Variants in SH3BP4 observed in about 807,000 individuals in gnomAD.
The protein encoded by SH3BP4 is SH3 domain binding protein 4.
Under a neutral mutation model 65.5 loss-of-function variants are expected in SH3BP4, and 33 were observed. The ratio of observed to expected loss-of-function variants is 0.50; its 90% CI spans 0.38 to 0.67. The LOEUF is 0.67. Among genes scored for constraint, SH3BP4 ranks in the 30% least tolerant of loss-of-function variants. The probability of loss-of-function intolerance (pLI) is 0.00; values close to 1 mark genes in which losing one functional copy is unlikely to be tolerated. For missense variants in SH3BP4, 1,134 were observed against 1,261.4 expected (o/e 0.90, Z 1.53); for synonymous variants, 552 against 545.5 (o/e 1.01, Z -0.17).
chr2:234,995,149 C>T (rs932677328), intron 1 of SH3BP4, among the ~76,000 whole-genome samples, 154 bp from the exon 2 acceptor site: 3 of 152,220 alleles, frequency 2.0e-5, no homozygotes, highest in Admixed American at 6.5e-5. Flanking sequence ...CTGGGGGCCG[C>T]GTGGCAGCGT....
intron 2 of SH3BP4, among the ~76,000 whole-genome samples, chr2:234,999,375 G>T (rs558462957): frequency 5.6e-4 from 85 of 152,306 alleles, no homozygotes; most frequent in African/African-American, 1.9e-3. Context: ...TGAATCTCTT[G>T]CTGAAATCTG....
At chr2:235,012,752 T>C (rs1694554598) in intron 2 of SH3BP4, among the ~76,000 whole-genome samples, 1 of 152,230 alleles carries the variant, frequency 6.6e-6, no homozygotes. Context: ...ATTACGCACT[T>C]CTAACCCCAA....
Position 235,042,419 on chromosome 2 carries a change from C to T in SH3BP4, c.1650C>T (p.Val550=). 6.2e-7 allele frequency: 1 copy of T among 1,614,142 alleles called. No individual in the cohort carries two copies. Among genetic ancestry groups the T allele is most frequent in the Admixed American group, 1.7e-5 (1 of 60,022 alleles). Residue 550 remains valine, a synonymous_variant, in exon 4 of 6, where the codon GTC becomes GTT. Transcript: ENST00000392011. This position sits in a 1 kb window ranked among gnomAD's most constrained non-coding sequence, Gnocchi z 7.3. ...CMFSNMTNYE[V]KASEQAKVVR... is the part of the protein sequence containing the mutation. ...TTTCCAATATGACGAATTACGAGGT[C>T]AAAGCCAGCGAGCAGGCCAAAGTGG...
chr2:235,016,498 CTTTCT>C (rs577830552), intron 2 of SH3BP4, among the ~76,000 whole-genome samples: 2 of 151,998 alleles, frequency 1.3e-5, no homozygotes, highest in African/African-American at 4.8e-5. Context: ...TTCACTCGTC[CTTTCT>C]TTTCTTTTCT....
intron 2 of SH3BP4, among the ~76,000 whole-genome samples, chr2:235,027,804 T>C (rs577398620): frequency 2.6e-5 from 4 of 152,310 alleles, no homozygotes; most frequent in Admixed American, 6.5e-5. Flanking sequence ...GTCTGTGCGC[T>C]CAGCCTGAGG....
Position 235,034,439 on chromosome 2 carries a change from A to G in SH3BP4, c.-132-432A>G, listed in dbSNP as rs894166847. ...TTCCCGGGGCCGAGTCACCATGATG[A>G]CTGCCCCTGCGCTGGGATCAGCCAC... On this transcript the variant is annotated intron_variant, in intron 2 of 5. Coordinates refer to ENST00000392011, the MANE Select transcript of SH3BP4 (RefSeq NM_014521.3). This position sits in a 1 kb window ranked among gnomAD's most constrained non-coding sequence, Gnocchi z 6.2. Among the ~76,000 whole-genome samples, 2 of 152,068 alleles carry G rather than the reference A, an allele frequency of 1.3e-5. No homozygotes were observed. Among genetic ancestry groups the G allele is most frequent in the South Asian group, 4.2e-4 (2 of 4,808 alleles).
chr2:234,971,953 A>T (rs1047974709), intron 1 of SH3BP4, among the ~76,000 whole-genome samples: 5 of 151,458 alleles, frequency 3.3e-5, no homozygotes, highest in African/African-American at 1.2e-4. Flanking sequence ...AGTAGCTGAG[A>T]CTACAGGCGT....
chr2:235,038,825 C>T (rs1695543633), intron 3 of SH3BP4, among the ~76,000 whole-genome samples: 1 of 152,086 alleles, frequency 6.6e-6, no homozygotes, highest in Non-Finnish European at 1.5e-5. Context: ...ATTCCTCCAG[C>T]TTAAAATATG....
intron 2 of SH3BP4, among the ~76,000 whole-genome samples, chr2:235,017,045 C>CTTTTTTTTTTTTTTTTTT (rs995197698): frequency 1.1e-5 from 1 of 88,440 alleles, no homozygotes; most frequent in Non-Finnish European, 2.2e-5. Context: ...GTTTGCCTTT[C>CTTTTTTTTTTTTTTTTTT]TTTTTTTTTT....
In SH3BP4 at chr2:234,952,848, G is replaced by C. The variant is rs1263107583; in HGVS notation, c.-207+678G>C. 2.0e-5 allele frequency: 3 copies of C among 152,212 alleles called. No homozygotes were observed. The highest frequency in any genetic ancestry group is 4.4e-5 in the Non-Finnish European group (3 of 68,050). The allele number at this position is 152,212 out of a possible 1,614,324, so 9.4% of individuals were successfully genotyped here. On this transcript the variant is annotated intron_variant, in intron 1 of 5. Transcript: ENST00000392011. The surrounding 1 kb of genome is among the most constrained non-coding windows in gnomAD (Gnocchi z 6.5). ...GGGATAGAGGCGCGTTGTTCTCTGA[G>C]CGATGTTTACCGAGAAGCCCGCTCC...
At chr2:235,003,705 C>T (rs977213823) in intron 2 of SH3BP4, among the ~76,000 whole-genome samples, 1 of 152,154 alleles carries the variant, frequency 6.6e-6, no homozygotes, top group Non-Finnish European at 1.5e-5. Flanking sequence ...TTCCCAGTCA[C>T]GCTCCTATGC....
In SH3BP4 at chr2:235,042,554, C is replaced by T. The variant is rs547706377; in HGVS notation, c.1785C>T (p.Asp595=). Reference sequence around the variant, plus strand: ...TCACGCTGCGGGTTCAGGTGAAGGACGACCAGGAGGCCATCCTCACCCAGT... The same window carrying T: ...TCACGCTGCGGGTTCAGGTGAAGGATGACCAGGAGGCCATCCTCACCCAGT... The part of the protein sequence containing the change: ...SDFTLRVQVK[D]DQEAILTQFC... The change falls in exon 4 of 6, where the codon GAC becomes GAT. Residue 595 remains aspartate, a synonymous_variant. Coordinates refer to ENST00000392011, the MANE Select transcript of SH3BP4 (RefSeq NM_014521.3). This position sits in a 1 kb window ranked among gnomAD's most constrained non-coding sequence, Gnocchi z 7.3. The T allele has an allele frequency of 1.2e-5, 20 of 1,614,162 alleles. No homozygotes were observed. The highest frequency in any genetic ancestry group is 2.7e-5 in the African/African-American group (2 of 75,062).
intron 2 of SH3BP4, among the ~76,000 whole-genome samples, chr2:235,022,324 C>T (rs891102295): frequency 3.9e-5 from 6 of 152,042 alleles, no homozygotes; most frequent in Admixed American, 1.3e-4. Flanking sequence ...GAGGCCGAGG[C>T]GGGCAGATCA....
Position 234,967,700 on chromosome 2 carries a change from G to T in SH3BP4, c.-207+15530G>T, listed in dbSNP as rs982757405. ...TTGGTGCTCACCTCTGCACAGACAG[G>T]TGTCACTGAAGCCCCTCACCCAGTG... On this transcript the variant is annotated intron_variant, in intron 1 of 5. Transcript: ENST00000392011. The surrounding 1 kb of genome is among the most constrained non-coding windows in gnomAD (Gnocchi z 4.6). Among the ~76,000 whole-genome samples, 4 of 152,238 alleles carry T rather than the reference G, an allele frequency of 2.6e-5. No homozygotes were observed. Among genetic ancestry groups the T allele is most frequent in the South Asian group, 4.1e-4 (2 of 4,820 alleles).
intron 2 of SH3BP4, among the ~76,000 whole-genome samples, chr2:235,023,798 G>A (rs897828113): frequency 2.6e-5 from 4 of 152,060 alleles, no homozygotes; most frequent in African/African-American, 9.7e-5. Context: ...ATATTATGTT[G>A]TATGGATTTT....
intron 2 of SH3BP4, among the ~76,000 whole-genome samples, chr2:235,007,513 C>T (rs555140019): frequency 1.3e-5 from 2 of 152,272 alleles, no homozygotes; most frequent in Admixed American, 6.5e-5. Context: ...GCAGATCGTG[C>T]AGTGCCCAGG....
chr2:234,996,347 T>C (rs1331155841), intron 2 of SH3BP4, among the ~76,000 whole-genome samples: 1 of 152,186 alleles, frequency 6.6e-6, no homozygotes, highest in African/African-American at 2.4e-5. Context: ...GGGTAGCTGA[T>C]TGGATTTTAT....
intron 4 of SH3BP4, among the ~76,000 whole-genome samples, chr2:235,047,031 C>G (rs1348710990): frequency 6.6e-6 from 1 of 152,160 alleles, no homozygotes; most frequent in African/African-American, 2.4e-5. Context: ...TGAAGAATGA[C>G]AAGGTTTGTT....
At chr2:234,989,412 C>T (rs1693680511) in intron 1 of SH3BP4, among the ~76,000 whole-genome samples, 1 of 152,202 alleles carries the variant, frequency 6.6e-6, no homozygotes, top group Non-Finnish European at 1.5e-5. Context: ...TTGCCATCTC[C>T]TACCCTAGCT....
Sources: gnomAD v4.1 joint callset for allele counts (sites outside exome capture counted in the v4.1 genomes callset) on GRCh38, gnomAD v4.1.1 for gene constraint, Gnocchi (gnomAD v3.1) non-coding constraint, MANE v1.5 for transcripts, NCBI Gene and HGNC (gene_info 2026-07-23, HGNC 2026-07-21) for gene names.